The following RORA variants were observed in gnomAD, a reference collection of about 807,000 sequenced individuals.
The protein encoded by RORA is RAR related orphan receptor A, also known as nuclear receptor ROR-alpha.
In RORA, 7 loss-of-function variants were observed where a neutral mutation model predicts 69.5. That is an observed-to-expected ratio of 0.10 (90% CI 0.06 to 0.19). The LOEUF is 0.19. RORA is among the 10% of genes least tolerant of loss of function. The pLI, the probability that RORA is intolerant of heterozygous loss-of-function variation, is 1.00. For missense variants in RORA, 457 were observed against 663.0 expected (o/e 0.69, Z 3.41); for synonymous variants, 261 against 240.8 (o/e 1.08, Z -0.78).
At chr15:60,937,964 A>G (rs1174394439) in intron 1 of RORA, among the ~76,000 whole-genome samples, 1 of 152,220 alleles carries the variant, frequency 6.6e-6, no homozygotes, top group Non-Finnish European at 1.5e-5. Context: ...CAGGAACCTC[A>G]TGAGGTGGAT....
At chr15:60,929,916 T>C (rs1892328574) in intron 1 of RORA, among the ~76,000 whole-genome samples, 1 of 152,094 alleles carries the variant, frequency 6.6e-6, no homozygotes. Context: ...CAGACGCATA[T>C]GGTTTATGGA....
chr15:61,142,452 T>C (rs1168042612), intron 1 of RORA, among the ~76,000 whole-genome samples: 1 of 152,268 alleles, frequency 6.6e-6, no homozygotes, highest in Non-Finnish European at 1.5e-5. Context: ...TGCTTCATGC[T>C]GGTTCCCATT....
At chr15:60,592,025 C>T (rs529838513) in intron 2 of RORA, among the ~76,000 whole-genome samples, 3 of 152,124 alleles carry the variant, frequency 2.0e-5, no homozygotes, top group Non-Finnish European at 2.9e-5. Flanking sequence ...GCGTCCCCGG[C>T]TTCCTCTGAA....
intron 1 of RORA, among the ~76,000 whole-genome samples, chr15:61,145,445 A>C (rs2079337762): frequency 6.6e-6 from 1 of 152,190 alleles, no homozygotes; most frequent in African/African-American, 2.4e-5. Flanking sequence ...CTAGATGTGT[A>C]CTTCCTTCGA....
At chr15:60,944,767 T>C (rs7176774) in intron 1 of RORA, among the ~76,000 whole-genome samples, 43,138 of 147,540 alleles carry the variant, frequency 0.29, 7,857 homozygotes, top group East Asian at 0.62. Context: ...CAGAGGGCAA[T>C]ACACCATTTC....
intron 1 of RORA, among the ~76,000 whole-genome samples, chr15:60,992,141 G>A (rs552821210): frequency 5.9e-5 from 9 of 152,190 alleles, no homozygotes; most frequent in African/African-American, 1.9e-4. Flanking sequence ...ATAAACACCA[G>A]AGTTTCAAAC....
Position 60,892,028 on chromosome 15 carries a change from GT to G in RORA, c.167-213343del, listed in dbSNP as rs574405761. The stretch of plus-strand genomic sequence containing the variant: ...AAAAAGCTCTAAAAGAATTATGGCT[GT>G]TTGGGGCAGGCGCTGTGTTGAGAAT... On this transcript the variant is annotated intron_variant, in intron 1 of 10. Coordinates refer to ENST00000335670, the MANE Select transcript of RORA (RefSeq NM_134261.3). Among the ~76,000 whole-genome samples, 328 of 152,310 alleles carry G rather than the reference GT, an allele frequency of 2.2e-3. 3 individuals carry two copies. The highest frequency in any genetic ancestry group is 2.2e-3 in the Non-Finnish European group (150 of 68,014).
chr15:61,166,393 C>T (rs905225035), intron 1 of RORA, among the ~76,000 whole-genome samples: 2 of 151,960 alleles, frequency 1.3e-5, no homozygotes, highest in Admixed American at 1.3e-4. Context: ...GAGGAGGGCC[C>T]AGGGACAGCA....
intron 1 of RORA, among the ~76,000 whole-genome samples, chr15:60,924,680 T>A (rs966837418): frequency 1.3e-5 from 2 of 152,082 alleles, no homozygotes; most frequent in Non-Finnish European, 2.9e-5. Flanking sequence ...CACAGGGCGG[T>A]GCGTGGAGGC....
At position 60,540,570 on chromosome 15, in the gene RORA, C is replaced by CA. The variant is rs1567071342; in HGVS notation, c.197-8720_197-8719insT. On this transcript the variant is annotated intron_variant, in intron 2 of 10. Transcript: ENST00000335670. ...CACCTGCACAATTTCCATGACCCCC[C>CA]CCCCCCAAAACTGTGCGGTCACAAA... 4.0e-4 allele frequency among the ~76,000 whole-genome samples: 25 copies of CA among 63,158 alleles called. 2 individuals carry two copies. Among genetic ancestry groups the CA allele is most frequent in the East Asian group, 0.012 (2 of 166 alleles). The allele number at this position is 63,158 out of a possible 152,430, so 41.4% of individuals were successfully genotyped here. A position where few individuals can be genotyped will look rare whatever the true frequency, so the allele number is the denominator to read the frequency against.
intron 1 of RORA, among the ~76,000 whole-genome samples, chr15:61,157,849 A>G (rs1432636052): frequency 6.6e-6 from 1 of 152,238 alleles, no homozygotes; most frequent in Non-Finnish European, 1.5e-5. Flanking sequence ...AAACAAACCC[A>G]GCATTGGGAT....
chr15:60,902,360 G>A (rs2140469262), intron 1 of RORA, among the ~76,000 whole-genome samples: 1 of 152,032 alleles, frequency 6.6e-6, no homozygotes, highest in East Asian at 1.9e-4. Context: ...TGTGGGCTGT[G>A]GATCAGCTTC....
intron 1 of RORA, among the ~76,000 whole-genome samples, chr15:61,089,055 T>C (rs1389695129): frequency 1.3e-5 from 2 of 152,178 alleles, no homozygotes; most frequent in African/African-American, 4.8e-5. Flanking sequence ...ATTGGGAGTG[T>C]AAAACAGACC....
At chr15:60,761,623 C>T (rs141257122) in intron 1 of RORA, among the ~76,000 whole-genome samples, 269 of 152,266 alleles carry the variant, frequency 1.8e-3, no homozygotes, top group Non-Finnish European at 3.3e-3. Flanking sequence ...AGTACCTCTC[C>T]TATGGTGTGC....
At chr15:60,663,056 A>C (rs2070327937) in intron 2 of RORA, among the ~76,000 whole-genome samples, 1 of 152,178 alleles carries the variant, frequency 6.6e-6, no homozygotes, top group African/African-American at 2.4e-5. Context: ...TACATCACTG[A>C]AGGGCCACCC....
chr15:60,754,539 T>C lies in RORA; in HGVS notation c.167-75853A>G, dbSNP rs570350142. ...GTTTTAGTCTCATGGCTTAATTCCT[T>C]CCTAGTTCTTCTACCTGAAATGCTT... On this transcript the variant is annotated intron_variant, in intron 1 of 10. Transcript: ENST00000335670. 1.5e-4 allele frequency among the ~76,000 whole-genome samples: 23 copies of C among 152,272 alleles called. 1 individual carries two copies. Among genetic ancestry groups the C allele is most frequent in the African/African-American group, 5.3e-4 (22 of 41,556 alleles).
chr15:60,699,775 T>G (rs971919452), intron 1 of RORA, among the ~76,000 whole-genome samples: 32 of 152,192 alleles, frequency 2.1e-4, no homozygotes. Context: ...ATTTAGTTTT[T>G]GCCTGCCACA....
At chr15:60,643,329 G>A (rs559748826) in intron 2 of RORA, among the ~76,000 whole-genome samples, 1 of 152,328 alleles carries the variant, frequency 6.6e-6, no homozygotes, top group African/African-American at 2.4e-5. Flanking sequence ...TAGGCCCAGA[G>A]AACTTTGAAT....
chr15:61,141,189 T>A (rs1478164095), intron 1 of RORA, among the ~76,000 whole-genome samples: 1 of 152,162 alleles, frequency 6.6e-6, no homozygotes, highest in Non-Finnish European at 1.5e-5. Flanking sequence ...TACAAAGAGG[T>A]GCAATATTGA....
Sources: allele counts gnomAD v4.1 joint callset (sites outside exome capture counted in the v4.1 genomes callset), GRCh38; gene constraint gnomAD v4.1.1; transcripts MANE v1.5; gene names NCBI Gene and HGNC (gene_info 2026-07-23, HGNC 2026-07-21).